The following TMEM123 variants were observed in gnomAD, a reference collection of about 807,000 sequenced individuals.
TMEM123 encodes porimin.
TMEM123 carries 16 observed loss-of-function variants against 19.7 expected under a neutral mutation model. The ratio of observed to expected loss-of-function variants is 0.81; its 90% CI spans 0.55 to 1.23. TMEM123 has a LOEUF of 1.23. Ranked by LOEUF, TMEM123 falls within the 50% of genes most tolerant of loss-of-function variation. TMEM123 has a pLI of 0.00. For synonymous variants in TMEM123, 118 were observed against 99.4 expected (o/e 1.19, Z -1.12); for missense variants, 313 against 257.8 (o/e 1.21, Z -1.47).
intron 2 of TMEM123, among the ~76,000 whole-genome samples, chr11:102,437,435 G>A (rs1485841206): frequency 2.0e-5 from 3 of 149,352 alleles, no homozygotes; most frequent in African/African-American, 7.4e-5. Flanking sequence ...TCCAGCCTGG[G>A]TGACAGAATG....
chr11:102,446,656 A>C (rs945591192), intron 2 of TMEM123, among the ~76,000 whole-genome samples: 3 of 152,222 alleles, frequency 2.0e-5, no homozygotes, highest in Admixed American at 2.0e-4. Flanking sequence ...ATAGAGTGAG[A>C]TGTTAGGATG....
At chr11:102,430,574 G>GAGCT (rs1406781017) in intron 2 of TMEM123, among the ~76,000 whole-genome samples, 1 of 152,228 alleles carries the variant, frequency 6.6e-6, no homozygotes, top group African/African-American at 2.4e-5. Context: ...ATGAAAGGAA[G>GAGCT]AGCTCTTCAG....
intron 2 of TMEM123, among the ~76,000 whole-genome samples, chr11:102,431,898 C>T (rs1252344788): frequency 6.6e-6 from 1 of 152,170 alleles, no homozygotes; most frequent in Non-Finnish European, 1.5e-5. Flanking sequence ...TTTTAAGCGT[C>T]TGGCATCTCC....
At chr11:102,445,387 GAATC>G (rs1444655083) in intron 2 of TMEM123, among the ~76,000 whole-genome samples, 4 of 152,134 alleles carry the variant, frequency 2.6e-5, no homozygotes, top group African/African-American at 9.7e-5. Flanking sequence ...ATCTATCAGT[GAATC>G]AATCAATCAG....
intron 1 of TMEM123, among the ~76,000 whole-genome samples, chr11:102,449,765 C>T (rs1460052560): frequency 6.6e-6 from 1 of 152,192 alleles, no homozygotes; most frequent in African/African-American, 2.4e-5. Flanking sequence ...CAATTGCCAA[C>T]ATTATTAGGT....
intron 2 of TMEM123, among the ~76,000 whole-genome samples, chr11:102,438,871 A>G (rs1354203830): frequency 6.6e-6 from 1 of 152,156 alleles, no homozygotes; most frequent in African/African-American, 2.4e-5. Flanking sequence ...TACCTAGAAA[A>G]TCGGGACACT....
At chr11:102,417,328 C>A (rs1324414990) in intron 2 of TMEM123, among the ~76,000 whole-genome samples, 2 of 152,112 alleles carry the variant, frequency 1.3e-5, no homozygotes, top group Non-Finnish European at 2.9e-5. Context: ...GTACAGAAAT[C>A]AGTAACATTT....
At chr11:102,404,234 T>C (rs2135843214) in intron 2 of TMEM123, among the ~76,000 whole-genome samples, 1 of 152,298 alleles carries the variant, frequency 6.6e-6, no homozygotes, top group African/African-American at 2.4e-5. Flanking sequence ...TTATCCTATC[T>C]TCCACAACTA....
chr11:102,427,888 T>C (rs1368290311), intron 2 of TMEM123, among the ~76,000 whole-genome samples: 1 of 151,964 alleles, frequency 6.6e-6, no homozygotes, highest in Non-Finnish European at 1.5e-5. Flanking sequence ...GTAAACATTC[T>C]ACCAGTTCAT....
chr11:102,435,579 T>C (rs1857754370), intron 2 of TMEM123, among the ~76,000 whole-genome samples: 1 of 151,956 alleles, frequency 6.6e-6, no homozygotes, highest in South Asian at 2.1e-4. Context: ...CTCCTAGGTA[T>C]ATTCCCAGTA....
In TMEM123 at chr11:102,401,919, T is replaced by C; in HGVS notation, c.445A>G (p.Thr149Ala). 16 of 1,613,456 alleles carry C rather than the reference T, an allele frequency of 9.9e-6. No individual in the cohort carries two copies. The highest frequency in any genetic ancestry group is 1.4e-5 in the Non-Finnish European group (16 of 1,179,498). The stretch of plus-strand genomic sequence containing the variant: ...AAAGGTCAGCTTTAATACATACTTG[T>C]TACTGATGAAGCAGCAGATGTCACT... Reference protein sequence around the residue: ...SSVTSAASSVTITTTMHSEAK... With the variant: ...SSVTSAASSVAITTTMHSEAK... Residue 149 changes from threonine to alanine, a missense_variant, in exon 3 of 5, where the codon ACA becomes GCA. Physicochemically the swap from Thr to Ala is moderately conservative, Grantham distance 58. Transcript: ENST00000398136.
intron 2 of TMEM123, among the ~76,000 whole-genome samples, chr11:102,441,135 C>A (rs1857821362): frequency 6.6e-6 from 1 of 152,124 alleles, no homozygotes; most frequent in Non-Finnish European, 1.5e-5. Context: ...GACAGATCAA[C>A]CAGACAGAAA....
chr11:102,413,652 A>C (rs915839403), intron 2 of TMEM123, among the ~76,000 whole-genome samples: 1 of 152,194 alleles, frequency 6.6e-6, no homozygotes, highest in African/African-American at 2.4e-5. Flanking sequence ...AAGCATTCTG[A>C]AATAAAGCCA....
chr11:102,400,245 T>TA (rs1951900685), intron 4 of TMEM123, among the ~76,000 whole-genome samples: 1 of 152,198 alleles, frequency 6.6e-6, no homozygotes. Flanking sequence ...TTCCAAGAGA[T>TA]AGACAGTGTT....
chr11:102,399,578 G>A (rs1951891918), intron 4 of TMEM123, among the ~76,000 whole-genome samples: 1 of 152,210 alleles, frequency 6.6e-6, no homozygotes, highest in Admixed American at 6.5e-5. Flanking sequence ...CTACAGCCAT[G>A]CCACTGTGAA....
At chr11:102,410,489 C>G (rs919670123) in intron 2 of TMEM123, among the ~76,000 whole-genome samples, 4 of 149,608 alleles carry the variant, frequency 2.7e-5, no homozygotes, top group Non-Finnish European at 5.9e-5. Context: ...CAGACTCAAT[C>G]CACAATAACC....
intron 2 of TMEM123, among the ~76,000 whole-genome samples, chr11:102,435,611 G>A (rs965204126): frequency 2.6e-5 from 4 of 151,780 alleles, no homozygotes; most frequent in East Asian, 1.9e-4. Flanking sequence ...ATATGTCCAC[G>A]CAAAAGTGTT....
At chr11:102,400,714 G>T (rs145696856) in intron 4 of TMEM123, among the ~76,000 whole-genome samples, 4 of 152,302 alleles carry the variant, frequency 2.6e-5, no homozygotes, top group African/African-American at 9.6e-5. Context: ...TACAATTAGA[G>T]GTCAGAGAAC....
At position 102,452,507 on chromosome 11, in the gene TMEM123, C is replaced by T. The variant is rs1196738081; in HGVS notation, c.100+17G>A. The T allele has an allele frequency of 6.0e-6, 9 of 1,510,684 alleles. No homozygotes were observed. The highest frequency in any genetic ancestry group is 8.0e-6 in the Non-Finnish European group (9 of 1,129,062). The allele number at this position is 1,510,684 out of a possible 1,614,324, so 93.6% of individuals were successfully genotyped here. ...TGCCTCCCACGAACGGGGCTGACGA[C>T]CCCCGCAGCCACTTACCCGCCATGG... is the stretch of plus-strand genomic sequence containing the variant. On this transcript the variant is annotated intron_variant, in intron 1 of 4. Transcript: ENST00000398136.
Sources: gnomAD v4.1 joint callset for allele counts (sites outside exome capture counted in the v4.1 genomes callset) on GRCh38, gnomAD v4.1.1 for gene constraint, MANE v1.5 for transcripts, NCBI Gene and HGNC (gene_info 2026-07-23, HGNC 2026-07-21) for gene names.